AP3B1: variants seen among roughly 807,000 people sequenced by gnomAD.
AP3B1 encodes AP-3 complex subunit beta-1.
AP3B1 carries 61 observed loss-of-function variants against 132.5 expected under a neutral mutation model. The ratio of observed to expected loss-of-function variants is 0.46; its 90% CI spans 0.37 to 0.57. AP3B1 has a LOEUF of 0.57. Among genes scored for constraint, AP3B1 ranks in the 20% least tolerant of loss-of-function variants. The pLI is 0.00. For synonymous variants in AP3B1, 388 were observed against 438.3 expected, an observed-to-expected ratio of 0.89 and a Z score of 1.43; for missense variants, 1,120 against 1,289.4, an observed-to-expected ratio of 0.87 and a Z score of 2.01.
intron 24 of AP3B1, among the ~76,000 whole-genome samples, chr5:78,033,287 A>G (rs1441489752): frequency 1.3e-5 from 2 of 152,072 alleles, no homozygotes; most frequent in African/African-American, 4.8e-5. Flanking sequence ...AATGTTGGGA[A>G]AAGTAATCAG....
intron 2 of AP3B1, among the ~76,000 whole-genome samples, chr5:78,264,050 C>T (rs58746137): frequency 0.026 from 3,893 of 152,150 alleles, 172 homozygotes; most frequent in African/African-American, 0.086. Flanking sequence ...GTGTAGTAAG[C>T]TTGTGTAAGT....
At position 78,141,204 on chromosome 5, in the gene AP3B1, T is replaced by C. The variant is rs567754566; in HGVS notation, c.1589A>G (p.Asp530Gly). ...KMAKSFTSED[D>G]LVKLQILNLG... ...ATTTAATATCTGCAGTTTTACCAGA[T>C]CATCTTCACTAGTGAAGCTTTTAGC... The change falls in exon 15 of 27, where the codon GAT (aspartate) becomes GGT (glycine). Residue 530 changes from aspartate (D) to glycine (G), a missense_variant. By Grantham distance (94) the Asp-to-Gly change is moderately conservative. This residue lies in a region of AP3B1 where 906 missense variants were observed against 997.1 expected (regional missense o/e 0.91). Transcript: ENST00000255194. The C allele has an allele frequency of 3.7e-5, 60 of 1,613,912 alleles. No individual in the cohort carries two copies. The South Asian group carries it at 6.4e-4, about 17-fold the overall frequency.
chr5:78,156,952 A>G (rs899008561), intron 13 of AP3B1, among the ~76,000 whole-genome samples: 3 of 152,132 alleles, frequency 2.0e-5, no homozygotes, highest in Admixed American at 6.5e-5. Flanking sequence ...TTTGTTCTAT[A>G]AAGTCCACTC....
At chr5:78,183,939 G>T (rs1744485792) in intron 7 of AP3B1, among the ~76,000 whole-genome samples, 2 of 151,328 alleles carry the variant, frequency 1.3e-5, no homozygotes, top group Admixed American at 6.6e-5. Flanking sequence ...GGAAGCCGAG[G>T]TGGGTGGATC....
chr5:78,113,668 T>C (rs978271138), intron 19 of AP3B1, 84 bp downstream of exon 19: 1 of 1,493,116 alleles, frequency 6.7e-7, no homozygotes, highest in Non-Finnish European at 9.2e-7. Flanking sequence ...TCTCTCACCA[T>C]TTTTTGATTA....
rs917639929 is a variant in AP3B1, at chr5:78,177,279, G to A, written c.1040+60C>T. On this transcript the variant is annotated intron_variant, in intron 9 of 26. Coordinates refer to ENST00000255194, the MANE Select transcript of AP3B1 (RefSeq NM_003664.5). ...ATTAAATGCCTGAAAGATTACATTT[G>A]TTCAAACATTACTTTTGAAGGAATA... The A allele has an allele frequency of 1.9e-5, 22 of 1,128,796 alleles. No homozygotes were observed. The African/African-American group carries it at 3.4e-4, about 18-fold the overall frequency. The allele number at this position is 1,128,796 out of a possible 1,614,324, so 69.9% of individuals were successfully genotyped here. A position where few individuals can be genotyped will look rare whatever the true frequency, so the allele number is the denominator to read the frequency against.
intron 1 of AP3B1, among the ~76,000 whole-genome samples, chr5:78,274,914 C>CT (rs57570732): frequency 0.16 from 24,207 of 149,480 alleles, 2,425 homozygotes; most frequent in Admixed American, 0.25. Context: ...GAGACCCTAT[C>CT]TTTTTTTTAA....
rs537061968 is a variant in AP3B1 at position 78,016,985 on chromosome 5, T to C, written c.2993-1437A>G. 3.3e-5 allele frequency among the ~76,000 whole-genome samples: 5 copies of C among 152,244 alleles called. No homozygotes were observed. The South Asian group carries it at 1.0e-3, about 32-fold the overall frequency. On this transcript the variant is annotated intron_variant, in intron 25 of 26. Coordinates refer to ENST00000255194, the MANE Select transcript of AP3B1 (RefSeq NM_003664.5). ...GAATAAATGAATGCAACTATGTTTA[T>C]GTTAAAAGCCTGTTTCCCGCAGCAT...
chr5:78,047,243 T>C (rs1227008917), intron 22 of AP3B1, among the ~76,000 whole-genome samples: 1 of 152,190 alleles, frequency 6.6e-6, no homozygotes, highest in Non-Finnish European at 1.5e-5. Context: ...GGTCAAATGG[T>C]ATTTCTGGTT....
At chr5:78,041,977 G>T in intron 22 of AP3B1, 1 of 196,682 alleles carries the variant, frequency 5.1e-6, no homozygotes, top group South Asian at 1.1e-4. Flanking sequence ...CTCATCAGTG[G>T]GCTTGGCTGT....
At chr5:78,080,435 G>GATGTAGTTTCC (rs1749941428) in intron 22 of AP3B1, among the ~76,000 whole-genome samples, 2 of 150,908 alleles carry the variant, frequency 1.3e-5, no homozygotes, top group African/African-American at 4.9e-5. Context: ...TCTAGTGATA[G>GATGTAGTTTCC]ATGTAGTTTC....
rs926254510 is a variant in AP3B1 at position 78,098,285 on chromosome 5, AAAAT to A, written c.2470+2664_2470+2667del. Reference sequence around the variant, plus strand: ...CACCCAAGAATGATCAATAAAAATAAAAATAAATAAATAAAAAATAAAAAAAAAA... The same window carrying A: ...CACCCAAGAATGATCAATAAAAATAAAAATAAATAAAAAATAAAAAAAAAA... On this transcript the variant is annotated intron_variant, in intron 21 of 26. Coordinates refer to ENST00000255194, the MANE Select transcript of AP3B1 (RefSeq NM_003664.5). 5.1e-4 allele frequency among the ~76,000 whole-genome samples: 74 copies of A among 145,684 alleles called. 1 individual carries two copies. In the East Asian group the frequency reaches 0.012, roughly 24 times the overall value.
chr5:78,151,004 C>T (rs116789155), intron 14 of AP3B1, among the ~76,000 whole-genome samples: 2,244 of 152,134 alleles, frequency 0.015, 58 homozygotes, highest in African/African-American at 0.051. Context: ...CTGTAGCCTC[C>T]ACCTCCCATG....
At chr5:78,028,434 C>A (rs868305047) in intron 24 of AP3B1, among the ~76,000 whole-genome samples, 1 of 148,758 alleles carries the variant, frequency 6.7e-6, no homozygotes, top group Admixed American at 6.7e-5. Context: ...GGCAACAGAG[C>A]GAGACTCCAT....
At position 78,028,169 on chromosome 5, in the gene AP3B1, T is replaced by C. The variant is rs560071647; in HGVS notation, c.2894+6192A>G. Among the ~76,000 whole-genome samples, 14 of 151,956 alleles carry C rather than the reference T, an allele frequency of 9.2e-5. 1 individual carries two copies. The East Asian group carries it at 2.5e-3, about 27-fold the overall frequency. On this transcript the variant is annotated intron_variant, in intron 24 of 26. Transcript: ENST00000255194. ...AAATAATTAAATTGAATAAAAATTA[T>C]AATTTTGGCTGGGTGCTGTGGCTCA...
chr5:78,209,878 T>A lies in AP3B1; in HGVS notation c.786+6177A>T, dbSNP rs538253040. Among the ~76,000 whole-genome samples the A allele has an allele frequency of 3.9e-5, 6 of 152,200 alleles. No individual in the cohort carries two copies. In the East Asian group the frequency reaches 7.7e-4, roughly 20 times the overall value. ...TGGTAAAATTTAAAGTTTTCTTTTT[T>A]AAAAAAGAAAACTTCATGAGTTAAA... is the stretch of plus-strand genomic sequence containing the variant. On this transcript the variant is annotated intron_variant, in intron 7 of 26. Coordinates refer to ENST00000255194, the MANE Select transcript of AP3B1 (RefSeq NM_003664.5).
At chr5:78,149,692 G>A (rs1753563178) in intron 14 of AP3B1, among the ~76,000 whole-genome samples, 1 of 152,168 alleles carries the variant, frequency 6.6e-6, no homozygotes, top group African/African-American at 2.4e-5. Context: ...GCATAGTGAA[G>A]TCAAGTAACT....
chr5:78,049,824 T>C (rs1323714371), intron 22 of AP3B1, among the ~76,000 whole-genome samples: 5 of 152,182 alleles, frequency 3.3e-5, no homozygotes, highest in African/African-American at 1.2e-4. Context: ...AGTTACATCA[T>C]GCACTGGGGT....
At chr5:78,117,919 T>G (rs545858435) in intron 17 of AP3B1, among the ~76,000 whole-genome samples, 25 of 152,314 alleles carry the variant, frequency 1.6e-4, no homozygotes, top group African/African-American at 6.0e-4. Flanking sequence ...TGAGACTCAT[T>G]TATTGATTGT....
Sources: allele counts gnomAD v4.1 joint callset (sites outside exome capture counted in the v4.1 genomes callset), GRCh38; gene constraint gnomAD v4.1.1; regional missense constraint gnomAD v4.1.1; transcripts MANE v1.5; gene names NCBI Gene and HGNC (gene_info 2026-07-23, HGNC 2026-07-21).